Variants in CD6 observed in about 807,000 individuals in gnomAD.
CD6 encodes the protein T-cell differentiation antigen CD6.
In CD6, 53 loss-of-function variants were observed where a neutral mutation model predicts 75.3. The ratio of observed to expected loss-of-function variants is 0.70; its 90% CI spans 0.56 to 0.88. CD6 has a LOEUF of 0.88. Ranked by LOEUF, CD6 falls within the 40% of genes least tolerant of loss-of-function variation. The pLI, the probability that CD6 is intolerant of heterozygous loss-of-function variation, is 0.00. For synonymous variants in CD6, 359 were observed against 381.5 expected (o/e 0.94, Z 0.69); for missense variants, 770 against 897.1 (o/e 0.86, Z 1.81).
chr11:61,006,449 G>A (rs1013973866), intron 1 of CD6, 125 bp from the exon 2 acceptor site: 44 of 714,564 alleles, frequency 6.2e-5, no homozygotes, highest in South Asian at 1.3e-4. Context: ...TGAGGACCAC[G>A]TCTTTTCCAA....
intron 1 of CD6, among the ~76,000 whole-genome samples, chr11:60,994,403 T>C (rs1375512438): frequency 7.6e-6 from 1 of 130,820 alleles, no homozygotes; most frequent in Non-Finnish European, 1.5e-5. Context: ...ATCGTGCCAC[T>C]GCAGTCCAGC....
At chr11:61,001,464 G>A (rs547558782) in intron 1 of CD6, among the ~76,000 whole-genome samples, 1 of 152,202 alleles carries the variant, frequency 6.6e-6, no homozygotes, top group South Asian at 2.1e-4. Flanking sequence ...GCCTCCCAAA[G>A]TGCTGGGATT....
chr11:60,977,897 T>C (rs531989547), intron 1 of CD6, among the ~76,000 whole-genome samples: 1 of 152,324 alleles, frequency 6.6e-6, no homozygotes, highest in South Asian at 2.1e-4. Flanking sequence ...TAAATCACCA[T>C]CATGATTATA....
intron 1 of CD6, among the ~76,000 whole-genome samples, chr11:61,001,977 C>T (rs2135129545): frequency 6.6e-6 from 1 of 152,336 alleles, no homozygotes; most frequent in South Asian, 2.1e-4. Context: ...TGATTATCTG[C>T]TGTGTGTTCT....
chr11:61,017,063 G>T, intron 9 of CD6: 1 of 194,134 alleles, frequency 5.2e-6, no homozygotes, highest in South Asian at 1.0e-4. Flanking sequence ...ATTCTGAAAC[G>T]TGAAGGTGCC....
intron 1 of CD6, among the ~76,000 whole-genome samples, chr11:61,000,421 C>T (rs916889155): frequency 6.6e-6 from 1 of 152,190 alleles, no homozygotes; most frequent in African/African-American, 2.4e-5. Context: ...CTGCCTCTGG[C>T]TCTGTACAGC....
At chr11:61,008,954 G>A (rs1859015019) in intron 4 of CD6, 109 bp downstream of exon 4, 5 of 956,006 alleles carry the variant, frequency 5.2e-6, no homozygotes, top group African/African-American at 1.6e-5. Flanking sequence ...CCCTTGAGAT[G>A]TCACAGTTCA....
At chr11:61,002,822 T>G (rs1858649351) in intron 1 of CD6, among the ~76,000 whole-genome samples, 1 of 152,012 alleles carries the variant, frequency 6.6e-6, no homozygotes, top group Admixed American at 6.6e-5. Context: ...GGCCAGAGAG[T>G]GCACGAGAGA....
At chr11:61,015,551 A>G (rs1044430065) in intron 8 of CD6, 162 bp from the exon 9 acceptor site, 56 of 798,370 alleles carry the variant, frequency 7.0e-5, no homozygotes, top group Non-Finnish European at 1.1e-4. Flanking sequence ...AGCCTGGACA[A>G]CAGAGTGAGA....
rs1228954614 is a variant in CD6 at position 61,011,095 on chromosome 11, C to T, written c.1110C>T (p.Ser370=). The change falls in exon 6 of 13, where the codon TCC becomes TCT. Residue 370 remains serine (S), a synonymous_variant. Transcript: ENST00000313421. ...CSASRSLHNL[S]TPEVPASVQT... Reference sequence around the variant, plus strand: ...CTTCCCGGAGTTTGCACAATCTGTCCACTCCCGAAGTCCCTGCAAGTGTTC... The same window carrying T: ...CTTCCCGGAGTTTGCACAATCTGTCTACTCCCGAAGTCCCTGCAAGTGTTC... The T allele has an allele frequency of 1.2e-6, 2 of 1,614,044 alleles. No homozygotes were observed. The highest frequency in any genetic ancestry group is 3.3e-5 in the Admixed American group (2 of 60,016).
At chr11:60,999,878 C>G (rs1858496951) in intron 1 of CD6, among the ~76,000 whole-genome samples, 1 of 151,818 alleles carries the variant, frequency 6.6e-6, no homozygotes, top group Non-Finnish European at 1.5e-5. Flanking sequence ...GAAACCCCAT[C>G]TCTACTAAAA....
intron 6 of CD6, among the ~76,000 whole-genome samples, chr11:61,012,327 C>G (rs1311329273): frequency 6.6e-6 from 1 of 152,196 alleles, no homozygotes; most frequent in Non-Finnish European, 1.5e-5. Context: ...ACACCCCGGC[C>G]CTTGGTCCAT....
At position 61,015,693 on chromosome 11, in the gene CD6, C is replaced by A. The variant is rs759709693; in HGVS notation, c.1388-20C>A. The A allele has an allele frequency of 6.2e-7, 1 of 1,613,892 alleles. No homozygotes were observed. Among genetic ancestry groups the A allele is most frequent in the Middle Eastern group, 1.6e-4 (1 of 6,062 alleles). On this transcript the variant is annotated intron_variant, in intron 8 of 12. Transcript: ENST00000313421. The stretch of plus-strand genomic sequence containing the variant: ...TCCGCCCACCACTTTGCCATGCCCT[C>A]GACTCTGTTCTCTCCCCAGTTTTCA...
At chr11:61,004,025 GGA>G in intron 1 of CD6, among the ~76,000 whole-genome samples, 2 of 152,270 alleles carry the variant, frequency 1.3e-5, no homozygotes, top group Middle Eastern at 6.8e-3. Context: ...ACACTGTGGG[GGA>G]CACAGGGCTG....
chr11:60,985,153 C>T (rs1156691722), intron 1 of CD6: 1 of 149,990 alleles, frequency 6.7e-6, no homozygotes. Flanking sequence ...GTATATGTAC[C>T]GCCGAAGCTT....
At chr11:61,008,885 A>T in intron 4 of CD6, 40 bp downstream of exon 4, 1 of 1,474,924 alleles carries the variant, frequency 6.8e-7, no homozygotes. Flanking sequence ...CACTACCAAC[A>T]CTCACCATAG....
chr11:60,982,741 A>G (rs1297475446), intron 1 of CD6: 2 of 455,936 alleles, frequency 4.4e-6, no homozygotes, highest in Admixed American at 4.7e-5. Flanking sequence ...GCTGCCAGCC[A>G]TCTCCTGTTT....
chr11:61,018,611 A>G (rs1590732881), intron 12 of CD6: 1 of 539,638 alleles, frequency 1.9e-6, no homozygotes, highest in East Asian at 2.9e-5. Context: ...TGAGGCCAGG[A>G]ATTTACGACT....
rs760527334 is a variant in CD6, at chr11:61,013,462, G to A, written c.1190G>A (p.Arg397Gln). ...VTVKIENKES[R>Q]ELMLLIPSIV... is the part of the protein sequence containing the mutation. Reference sequence around the variant, plus strand: ...GTGAAAATAGAGAACAAGGAATCTCGGGAGCTAATGCTCCTCATCCCCTCC... The same window carrying A: ...GTGAAAATAGAGAACAAGGAATCTCAGGAGCTAATGCTCCTCATCCCCTCC... The change falls in exon 7 of 13, where the codon CGG (arginine) becomes CAG (glutamine). Residue 397 changes from arginine to glutamine, a missense_variant. Transcript: ENST00000313421. The A allele has an allele frequency of 8.7e-6, 14 of 1,613,902 alleles. No homozygotes were observed. Among genetic ancestry groups the A allele is most frequent in the African/African-American group, 4.0e-5 (3 of 74,910 alleles).
Sources: gnomAD v4.1 joint callset for allele counts (sites outside exome capture counted in the v4.1 genomes callset) on GRCh38, gnomAD v4.1.1 for gene constraint, MANE v1.5 for transcripts, NCBI Gene and HGNC (gene_info 2026-07-23, HGNC 2026-07-21) for gene names.